The following VEGFC variants were observed in gnomAD, a reference collection of about 807,000 sequenced individuals.
VEGFC encodes FLT4 ligand DHM.
VEGFC carries 12 observed loss-of-function variants against 46.1 expected under a neutral mutation model. The observed-to-expected ratio is 0.26, with a 90% CI of 0.17 to 0.42. The LOEUF (loss-of-function observed/expected upper bound fraction) is 0.42. Ranked by LOEUF, VEGFC falls within the 10% of genes least tolerant of loss-of-function variation. The probability of loss-of-function intolerance (pLI) is 1.00; values close to 1 mark genes in which losing one functional copy is unlikely to be tolerated. For synonymous variants in VEGFC, 232 were observed against 195.5 expected (o/e 1.19, Z -1.56); for missense variants, 488 against 529.4 (o/e 0.92, Z 0.77).
intron 4 of VEGFC, among the ~76,000 whole-genome samples, chr4:176,694,283 A>G (rs1208157934): frequency 2.2e-4 from 33 of 151,748 alleles, no homozygotes; most frequent in Non-Finnish European, 2.9e-4. Context: ...GGATGGAGGA[A>G]GATCTACCAA....
At chr4:176,747,650 A>AGGCTC (rs1451000279) in intron 1 of VEGFC, among the ~76,000 whole-genome samples, 7 of 152,006 alleles carry the variant, frequency 4.6e-5, no homozygotes, top group African/African-American at 1.7e-4. Context: ...AAAATTAGCC[A>AGGCTC]GGCTCATTAG....
intron 3 of VEGFC, among the ~76,000 whole-genome samples, chr4:176,722,492 T>TA (rs386402402): frequency 1.3e-5 from 2 of 148,578 alleles, no homozygotes; most frequent in East Asian, 3.9e-4. Context: ...TCTTTTGTTT[T>TA]TTTTTTGTTT....
chr4:176,749,486 TA>T (rs1175280913), intron 1 of VEGFC, among the ~76,000 whole-genome samples: 1 of 151,834 alleles, frequency 6.6e-6, no homozygotes, highest in Non-Finnish European at 1.5e-5. Context: ...TATTTACCCA[TA>T]AAATGATTTT....
intron 4 of VEGFC, 33 bp from the exon 5 acceptor site, chr4:176,687,960 T>C (rs1181361524): frequency 7.4e-7 from 1 of 1,348,796 alleles, no homozygotes; most frequent in East Asian, 2.3e-5. Flanking sequence ...TTAGCAATGG[T>C]GTAACTGGTA....
intron 3 of VEGFC, among the ~76,000 whole-genome samples, chr4:176,724,318 AG>A (rs1734838554): frequency 6.6e-6 from 1 of 152,162 alleles, no homozygotes; most frequent in Non-Finnish European, 1.5e-5. Context: ...TTCTCATGAA[AG>A]GGTCCACAGT....
chr4:176,728,842 A>G (rs1036406525), intron 2 of VEGFC, among the ~76,000 whole-genome samples: 1 of 152,192 alleles, frequency 6.6e-6, no homozygotes, highest in Admixed American at 6.6e-5. Context: ...CTGAAGGCAA[A>G]TATGTTTTTA....
intron 1 of VEGFC, among the ~76,000 whole-genome samples, chr4:176,758,379 G>A (rs1232744893): frequency 6.6e-6 from 1 of 152,106 alleles, no homozygotes; most frequent in African/African-American, 2.4e-5. Context: ...TGAATATCTA[G>A]AAGTTTAATT....
chr4:176,694,176 C>T (rs1186071046), intron 4 of VEGFC, among the ~76,000 whole-genome samples: 5 of 151,582 alleles, frequency 3.3e-5, no homozygotes, highest in African/African-American at 1.2e-4. Context: ...TTAAAAGACA[C>T]AGACTGGCAA....
chr4:176,792,231 G>T lies in VEGFC; in HGVS notation c.81C>A (p.Ala27=). 2 of 1,558,576 alleles carry T rather than the reference G, an allele frequency of 1.3e-6. No individual in the cohort carries two copies. Among genetic ancestry groups the T allele is most frequent in the Non-Finnish European group, 1.7e-6 (2 of 1,155,664 alleles). ...ALLPGPREAP[A]AAAAFESGLD... is the part of the protein sequence containing the mutation. ...GTCCGGACTCGAAGGCGGCGGCGGC[G>T]GCGGGCGCCTCGCGAGGACCCGGGA... The change falls in exon 1 of 7, where the codon GCC becomes GCA. Residue 27 remains alanine, a synonymous_variant. Transcript: ENST00000618562. The surrounding 1 kb of genome is among the most constrained non-coding windows in gnomAD (Gnocchi z 6.3).
intron 1 of VEGFC, among the ~76,000 whole-genome samples, chr4:176,745,697 T>C (rs1353656095): frequency 6.6e-6 from 1 of 152,076 alleles, no homozygotes; most frequent in African/African-American, 2.4e-5. Context: ...CAGTTGTAAT[T>C]GTCACATTTT....
Position 176,748,071 on chromosome 4 carries a change from A to G in VEGFC, c.148-18325T>C, listed in dbSNP as rs1380522628. Among the ~76,000 whole-genome samples the G allele has an allele frequency of 3.9e-5, 6 of 152,186 alleles. 1 individual carries two copies. The South Asian group carries it at 1.2e-3, about 32-fold the overall frequency. On this transcript the variant is annotated intron_variant, in intron 1 of 6. Transcript: ENST00000618562. The stretch of plus-strand genomic sequence containing the variant: ...CTTGAGGCATTCAATATGTATATAA[A>G]AACTTTGGGAATTTTACACTATGCC...
At chr4:176,776,407 T>C (rs1735814055) in intron 1 of VEGFC, among the ~76,000 whole-genome samples, 1 of 152,236 alleles carries the variant, frequency 6.6e-6, no homozygotes, top group South Asian at 2.1e-4. Context: ...TTTTTTAAAC[T>C]GGGTACATGT....
At chr4:176,750,607 A>G (rs623307) in intron 1 of VEGFC, among the ~76,000 whole-genome samples, 129,845 of 151,534 alleles carry the variant, frequency 0.86, 56,485 homozygotes, top group East Asian at 1. Context: ...TAAACCCTTC[A>G]GGGGAAGCAG....
At chr4:176,780,745 G>A (rs1199459486) in intron 1 of VEGFC, among the ~76,000 whole-genome samples, 1 of 152,130 alleles carries the variant, frequency 6.6e-6, no homozygotes. Flanking sequence ...GAGGAAGCCC[G>A]AGCGTCAGTC....
At chr4:176,706,625 CAAAAAAAAAAAA>C (rs55996370) in intron 4 of VEGFC, among the ~76,000 whole-genome samples, 10 of 63,448 alleles carry the variant, frequency 1.6e-4, no homozygotes, top group African/African-American at 4.9e-4. Flanking sequence ...GAATCTGTCT[CAAAAAAAAAAAA>C]AAAAAAAAAA....
chr4:176,706,927 G>A (rs185291064), intron 4 of VEGFC, among the ~76,000 whole-genome samples: 4 of 152,206 alleles, frequency 2.6e-5, no homozygotes, highest in East Asian at 3.9e-4. Flanking sequence ...ACTGAATTGC[G>A]TTCTCTCACT....
At chr4:176,687,993 C>T (rs61435337) in intron 4 of VEGFC, 66 bp from the exon 5 acceptor site, 4 of 800,332 alleles carry the variant, frequency 5.0e-6, no homozygotes, top group Non-Finnish European at 8.2e-6. Flanking sequence ...CATCTCTGCT[C>T]ACATATGTAT....
At chr4:176,724,870 C>T (rs1734845906) in intron 3 of VEGFC, among the ~76,000 whole-genome samples, 1 of 152,002 alleles carries the variant, frequency 6.6e-6, no homozygotes, top group Admixed American at 6.6e-5. Context: ...ACGAGTGGAT[C>T]TCATGGAAGT....
At chr4:176,789,014 TA>T (rs921065849) in intron 1 of VEGFC, among the ~76,000 whole-genome samples, 2 of 152,184 alleles carry the variant, frequency 1.3e-5, no homozygotes, top group Non-Finnish European at 2.9e-5. Context: ...TATAAACTCC[TA>T]CTCTCAATAA....
Sources: allele counts gnomAD v4.1 joint callset (sites outside exome capture counted in the v4.1 genomes callset), GRCh38; gene constraint gnomAD v4.1.1; non-coding constraint Gnocchi (gnomAD v3.1); transcripts MANE v1.5; gene names NCBI Gene and HGNC (gene_info 2026-07-23, HGNC 2026-07-21).